The following ATPAF1 variants were observed in gnomAD, a reference collection of about 807,000 sequenced individuals.
ATPAF1 encodes ATP synthase mitochondrial F1 complex assembly factor 1.
ATPAF1 carries 26 observed loss-of-function variants against 43.9 expected under a neutral mutation model. The ratio of observed to expected loss-of-function variants is 0.59; its 90% CI spans 0.43 to 0.82. The LOEUF is 0.82. ATPAF1 is among the 40% of genes least tolerant of loss of function. The pLI, the probability that ATPAF1 is intolerant of heterozygous loss-of-function variation, is 0.00. For missense variants in ATPAF1, 366 were observed against 435.0 expected, an observed-to-expected ratio of 0.84 and a Z score of 1.41; for synonymous variants, 157 against 168.0, an observed-to-expected ratio of 0.93 and a Z score of 0.50.
intron 8 of ATPAF1, among the ~76,000 whole-genome samples, chr1:46,641,661 C>T (rs1675952733): frequency 6.6e-6 from 1 of 152,130 alleles, no homozygotes; most frequent in African/African-American, 2.4e-5. Flanking sequence ...ATCTCATTTG[C>T]CCTAATAAAC....
At chr1:46,635,747 A>G in exon 9 of ATPAF1, 1 of 1,592,650 alleles carries the variant, frequency 6.3e-7, no homozygotes, top group Non-Finnish European at 8.6e-7. Flanking sequence ...GGGCTGAGTC[A>G]ACTAGGTGAA....
intron 6 of ATPAF1, among the ~76,000 whole-genome samples, chr1:46,645,498 C>T (rs1419867554): frequency 6.6e-6 from 1 of 151,746 alleles, no homozygotes; most frequent in African/African-American, 2.4e-5. Flanking sequence ...GTAGCTGGAA[C>T]TGCAGGTGTG....
chr1:46,653,674 G>A lies in ATPAF1; in HGVS notation c.540+143C>T. 4.7e-6 allele frequency: 3 copies of A among 632,042 alleles called. No individual in the cohort carries two copies. Among genetic ancestry groups the A allele is most frequent in the Non-Finnish European group, 8.0e-6 (3 of 374,958 alleles). The allele number at this position is 632,042 out of a possible 1,614,324, so 39.2% of individuals were successfully genotyped here. A position where few individuals can be genotyped will look rare whatever the true frequency, so the allele number is the denominator to read the frequency against. On this transcript the variant is annotated intron_variant, in intron 5 of 8. Transcript: ENST00000574428. This position sits in a 1 kb window ranked among gnomAD's most constrained non-coding sequence, Gnocchi z 4.8. ...GGAGCTTCCAATCTCTGGTGCTCAG[G>A]GCATAATAAAAACTCTCAGGGCTGT...
At chr1:46,638,468 C>CATTACTACAAATACA (rs1675883834) in intron 8 of ATPAF1, among the ~76,000 whole-genome samples, 1 of 151,908 alleles carries the variant, frequency 6.6e-6, no homozygotes, top group Non-Finnish European at 1.5e-5. Context: ...AATACAAAAA[C>CATTACTACAAATACA]AAAATTAGCT....
chr1:46,645,138 G>A (rs374855204), intron 7 of ATPAF1, 23 bp downstream of exon 7: 10 of 1,587,770 alleles, frequency 6.3e-6, no homozygotes, highest in Non-Finnish European at 8.6e-6. Context: ...CTTTCCTCTA[G>A]AGGAAGGGCA....
intron 8 of ATPAF1, 25 bp from the exon 9 acceptor site, chr1:46,635,995 G>A (rs1447924402): frequency 6.2e-7 from 1 of 1,610,726 alleles, no homozygotes; most frequent in Non-Finnish European, 8.5e-7. Context: ...GAATAATGAG[G>A]TCCTTTCTTG....
At chr1:46,650,069 A>C (rs777488124) in intron 6 of ATPAF1, among the ~76,000 whole-genome samples, 5 of 152,242 alleles carry the variant, frequency 3.3e-5, no homozygotes, top group African/African-American at 7.2e-5. Context: ...CATTACTGAT[A>C]CCAAGTTAGC....
In ATPAF1 at chr1:46,653,971, T is replaced by C. The variant is rs1431665132; in HGVS notation, c.490-104A>G. ...TTGCTCAGAGGAATATGCTATTTGA[T>C]AACAGAGAGGAAAAACCCAGTATAA... On this transcript the variant is annotated intron_variant, in intron 4 of 8. Transcript: ENST00000574428. This position sits in a 1 kb window ranked among gnomAD's most constrained non-coding sequence, Gnocchi z 4.8. 3.2e-5 allele frequency: 34 copies of C among 1,062,160 alleles called. No homozygotes were observed. 65.8% of individuals were successfully genotyped at this position (1,062,160 alleles called of 1,614,324 possible). A position where few individuals can be genotyped will look rare whatever the true frequency, so the allele number is the denominator to read the frequency against.
At chr1:46,636,642 G>C (rs956924587) in intron 8 of ATPAF1, among the ~76,000 whole-genome samples, 2 of 152,008 alleles carry the variant, frequency 1.3e-5, no homozygotes, top group African/African-American at 4.8e-5. Context: ...AATGGTTGGG[G>C]GCATTGGTGT....
At chr1:46,663,870 C>G (rs767727804) in intron 2 of ATPAF1, 4 of 1,267,226 alleles carry the variant, frequency 3.2e-6, no homozygotes, top group East Asian at 5.6e-5. Flanking sequence ...CTGGATTACT[C>G]CATATTCTCC....
At chr1:46,636,619 T>G (rs1675845167) in intron 8 of ATPAF1, among the ~76,000 whole-genome samples, 1 of 151,726 alleles carries the variant, frequency 6.6e-6, no homozygotes, top group Non-Finnish European at 1.5e-5. Context: ...TTCTAACAAG[T>G]AGACTATGAC....
chr1:46,636,441 C>G (rs925726952), intron 8 of ATPAF1, among the ~76,000 whole-genome samples: 7 of 152,282 alleles, frequency 4.6e-5, no homozygotes, highest in African/African-American at 1.4e-4. Context: ...CTTGACTAAC[C>G]AGATATACAC....
chr1:46,658,601 G>T, intron 3 of ATPAF1, 86 bp downstream of exon 3: 1 of 994,190 alleles, frequency 1.0e-6, no homozygotes. Flanking sequence ...CTGAGCCACA[G>T]TACTTATGTT....
chr1:46,663,736 G>C, intron 2 of ATPAF1: 1 of 592,136 alleles, frequency 1.7e-6, no homozygotes, highest in Non-Finnish European at 2.2e-6. Flanking sequence ...TAAAATTCAG[G>C]ATACCCAAGG....
chr1:46,643,045 G>T, intron 8 of ATPAF1, 149 bp downstream of exon 8: 1 of 659,378 alleles, frequency 1.5e-6, no homozygotes, highest in East Asian at 2.8e-5. Context: ...AAGATCTTGA[G>T]CAAGACAACT....
chr1:46,650,534 G>C (rs1292058281), intron 6 of ATPAF1, among the ~76,000 whole-genome samples: 1 of 152,054 alleles, frequency 6.6e-6, no homozygotes, highest in African/African-American at 2.4e-5. Context: ...TATATCCAAA[G>C]GAAAGGAAAT....
intron 2 of ATPAF1, among the ~76,000 whole-genome samples, chr1:46,661,064 A>G (rs1215285089): frequency 6.6e-6 from 1 of 150,540 alleles, no homozygotes; most frequent in Admixed American, 6.6e-5. Context: ...AACACTGCTC[A>G]TGGTTTTGGA....
At chr1:46,667,979 G>A (rs1305610355) in intron 1 of ATPAF1, 78 bp downstream of exon 1, 4 of 1,188,642 alleles carry the variant, frequency 3.4e-6, no homozygotes, top group Non-Finnish European at 4.3e-6. Context: ...CCACCTCACA[G>A]GGCTGTCCTA....
chr1:46,649,217 C>A (rs1281919612), intron 6 of ATPAF1, among the ~76,000 whole-genome samples: 1 of 148,942 alleles, frequency 6.7e-6, no homozygotes, highest in East Asian at 2.0e-4. Context: ...TTTTTGTATA[C>A]ACTGTGAGGT....
Sources: allele counts gnomAD v4.1 joint callset (sites outside exome capture counted in the v4.1 genomes callset), GRCh38; gene constraint gnomAD v4.1.1; non-coding constraint Gnocchi (gnomAD v3.1); transcripts MANE v1.5; gene names NCBI Gene and HGNC (gene_info 2026-07-23, HGNC 2026-07-21).